Variants in CTNNBIP1 observed in about 807,000 individuals in gnomAD.
CTNNBIP1 encodes catenin beta interacting protein 1.
A neutral mutation model predicts 11.8 loss-of-function variants in CTNNBIP1; 7 were observed. The observed-to-expected ratio is 0.60, with a 90% CI of 0.34 to 1.12. CTNNBIP1 has a LOEUF of 1.12. Ranked by LOEUF, CTNNBIP1 falls within the 50% of genes most tolerant of loss-of-function variation. CTNNBIP1 has a pLI of 0.03. For synonymous variants in CTNNBIP1, 58 were observed against 43.9 expected, an observed-to-expected ratio of 1.32 and a Z score of -1.26; for missense variants, 101 against 113.4, an observed-to-expected ratio of 0.89 and a Z score of 0.50.
At chr1:9,873,695 C>T (rs1638910098) in intron 3 of CTNNBIP1, among the ~76,000 whole-genome samples, 1 of 152,146 alleles carries the variant, frequency 6.6e-6, no homozygotes, top group Admixed American at 6.5e-5. Flanking sequence ...CCCCTACTTC[C>T]TTTCTTGTCC....
intron 3 of CTNNBIP1, among the ~76,000 whole-genome samples, chr1:9,877,531 G>T (rs7549820): frequency 6.6e-6 from 1 of 152,114 alleles, no homozygotes; most frequent in Non-Finnish European, 1.5e-5. Flanking sequence ...CCCTGCACTC[G>T]TCTTTTGTTT....
chr1:9,897,945 C>T (rs1052086917), intron 1 of CTNNBIP1, among the ~76,000 whole-genome samples: 3 of 151,430 alleles, frequency 2.0e-5, no homozygotes, highest in African/African-American at 4.8e-5. Context: ...AGGGCGAAAC[C>T]CCGTCTCTAC....
intron 1 of CTNNBIP1, among the ~76,000 whole-genome samples, chr1:9,899,083 T>C (rs963125017): frequency 6.6e-6 from 1 of 152,188 alleles, no homozygotes; most frequent in African/African-American, 2.4e-5. Flanking sequence ...TGAATATTTT[T>C]GTGGTTGGTT....
chr1:9,898,247 C>T (rs573905957), intron 1 of CTNNBIP1, among the ~76,000 whole-genome samples: 92 of 151,698 alleles, frequency 6.1e-4, no homozygotes, highest in African/African-American at 2.2e-3. Context: ...AACAGTGGGC[C>T]GGGCACAGTG....
chr1:9,878,097 C>G (rs1481285220), intron 2 of CTNNBIP1, 108 bp from the exon 3 acceptor site: 1 of 152,596 alleles, frequency 6.6e-6, no homozygotes, highest in East Asian at 1.9e-4. Context: ...CAACCGCTGG[C>G]GGGAAGCTCA....
intron 1 of CTNNBIP1, among the ~76,000 whole-genome samples, chr1:9,887,111 C>T (rs1039427618): frequency 6.6e-6 from 1 of 152,216 alleles, no homozygotes; most frequent in African/African-American, 2.4e-5. Context: ...CAATTCAAAC[C>T]TGATGCAAAG....
Position 9,871,214 on chromosome 1 carries a change from G to A in CTNNBIP1, c.160C>T (p.Gln54Ter), listed in dbSNP as rs1279634076. The change falls in exon 5 of 6, where the codon CAG becomes TAG. Residue 54 changes from glutamine (Q) to a stop codon, truncating the protein, a stop_gained. Transcript: ENST00000377263. LOFTEE classifies it high-confidence loss of function. The surrounding 1 kb of genome is among the most constrained non-coding windows in gnomAD (Gnocchi z 5.2). The part of the protein sequence containing the change: ...YAGVVNSQLS[Q>*]LPPHSIDQGA... The stretch of plus-strand genomic sequence containing the variant: ...TGGTCGATGGAGTGCGGAGGCAGCT[G>A]GCTGAGCTGGCTGTTGACCACCCCT... 1 of 1,579,650 alleles carries A rather than the reference G, an allele frequency of 6.3e-7. No homozygotes were observed. The highest frequency in any genetic ancestry group is 2.3e-5 in the East Asian group (1 of 43,716).
rs1253506117 is a variant in CTNNBIP1 at position 9,850,874 on chromosome 1, A to G, written c.188-98T>C. On this transcript the variant is annotated intron_variant, in intron 5 of 5. Coordinates refer to ENST00000377263, the MANE Select transcript of CTNNBIP1 (RefSeq NM_020248.3). ...TGCGGCCAAGCTGGAGCCCCCGCCC[A>G]CCAGGATCGCGGCACTCTCTGAGGA... is the stretch of plus-strand genomic sequence containing the variant. 6 of 1,124,866 alleles carry G rather than the reference A, an allele frequency of 5.3e-6. No individual in the cohort carries two copies. The East Asian group carries it at 9.4e-5, about 18-fold the overall frequency. The allele number at this position is 1,124,866 out of a possible 1,614,324, so 69.7% of individuals were successfully genotyped here.
chr1:9,867,537 G>A lies in CTNNBIP1; in HGVS notation c.187+3650C>T, dbSNP rs1195243940. Among the ~76,000 whole-genome samples the A allele has an allele frequency of 2.0e-5, 3 of 152,204 alleles. No homozygotes were observed. Among genetic ancestry groups the A allele is most frequent in the Non-Finnish European group, 4.4e-5 (3 of 68,020 alleles). ...CAGACCCTCAGGACCAAGGTCGGGT[G>A]CTGTCCGTTGGAGGGTCTGCCTCAG... On this transcript the variant is annotated intron_variant, in intron 5 of 5. Coordinates refer to ENST00000377263, the MANE Select transcript of CTNNBIP1 (RefSeq NM_020248.3). This position sits in a 1 kb window ranked among gnomAD's most constrained non-coding sequence, Gnocchi z 4.6.
At chr1:9,861,733 C>G (rs1188332337) in intron 5 of CTNNBIP1, among the ~76,000 whole-genome samples, 1 of 152,202 alleles carries the variant, frequency 6.6e-6, no homozygotes, top group Non-Finnish European at 1.5e-5. Context: ...CAGGAGGCAG[C>G]TAAAGGCCCT....
chr1:9,905,847 A>G (rs1234118738), intron 1 of CTNNBIP1, among the ~76,000 whole-genome samples: 1 of 152,220 alleles, frequency 6.6e-6, no homozygotes, highest in Non-Finnish European at 1.5e-5. Flanking sequence ...CTACGTCCAT[A>G]GCATCCGCAA....
At chr1:9,877,043 A>G (rs1638982825) in intron 3 of CTNNBIP1, among the ~76,000 whole-genome samples, 1 of 152,210 alleles carries the variant, frequency 6.6e-6, no homozygotes, top group South Asian at 2.1e-4. Context: ...ACCCAAGGGC[A>G]TCTGTAAGAG....
In CTNNBIP1 at chr1:9,871,014, G is replaced by T. The variant is rs890336458; in HGVS notation, c.187+173C>A. ...GAGATGGGATCAGGTGGGAGGCTCCGAAGGTTTCCTGGCTCAGCTCTGTGG... is the reference window on the plus strand; with the variant it reads ...GAGATGGGATCAGGTGGGAGGCTCCTAAGGTTTCCTGGCTCAGCTCTGTGG... On this transcript the variant is annotated intron_variant, in intron 5 of 5. Coordinates refer to ENST00000377263, the MANE Select transcript of CTNNBIP1 (RefSeq NM_020248.3). The surrounding 1 kb of genome is among the most constrained non-coding windows in gnomAD (Gnocchi z 5.2). 3.9e-5 allele frequency among the ~76,000 whole-genome samples: 6 copies of T among 152,174 alleles called. No homozygotes were observed. Among genetic ancestry groups the T allele is most frequent in the African/African-American group, 1.4e-4 (6 of 41,452 alleles).
intron 5 of CTNNBIP1, among the ~76,000 whole-genome samples, chr1:9,864,692 G>A (rs1557748840): frequency 6.6e-6 from 1 of 152,192 alleles, no homozygotes; most frequent in Non-Finnish European, 1.5e-5. Flanking sequence ...GGCCATGGGT[G>A]GCCTTTGCAA....
At chr1:9,862,373 G>A (rs1426798796) in intron 5 of CTNNBIP1, among the ~76,000 whole-genome samples, 3 of 152,130 alleles carry the variant, frequency 2.0e-5, no homozygotes, top group Non-Finnish European at 4.4e-5. Context: ...ATGCACCACC[G>A]TGCCTGCCCC....
intron 5 of CTNNBIP1, among the ~76,000 whole-genome samples, chr1:9,859,963 G>C (rs1399633640): frequency 1.3e-5 from 2 of 152,208 alleles, no homozygotes; most frequent in African/African-American, 2.4e-5. Flanking sequence ...TCACAGCAAA[G>C]AGGAGGGCTT....
In CTNNBIP1 at chr1:9,900,141, C is replaced by T. The variant is rs143503793; in HGVS notation, c.-144+9954G>A. On this transcript the variant is annotated intron_variant, in intron 1 of 5. Transcript: ENST00000377263. ...GGTGGAGGCCGGGTGCTGTGGCTCA[C>T]GCTTGTAATCCCAGCACTTTGGAAG... Among the ~76,000 whole-genome samples the T allele has an allele frequency of 3.0e-3, 449 of 151,816 alleles. 2 individuals are homozygous for T. Among genetic ancestry groups the T allele is most frequent in the Non-Finnish European group, 4.8e-3 (324 of 67,972 alleles).
chr1:9,906,660 G>A (rs1639626789), intron 1 of CTNNBIP1, among the ~76,000 whole-genome samples: 1 of 152,230 alleles, frequency 6.6e-6, no homozygotes, highest in Non-Finnish European at 1.5e-5. Flanking sequence ...GGCAAGGATG[G>A]AGAGAGCAGA....
At chr1:9,907,251 A>C (rs1049773047) in intron 1 of CTNNBIP1, among the ~76,000 whole-genome samples, 1 of 151,790 alleles carries the variant, frequency 6.6e-6, no homozygotes, top group Non-Finnish European at 1.5e-5. Flanking sequence ...GCTCACTGCA[A>C]CCTCCACCTC....
Sources: gnomAD v4.1 joint callset for allele counts (sites outside exome capture counted in the v4.1 genomes callset) on GRCh38, gnomAD v4.1.1 for gene constraint, Gnocchi (gnomAD v3.1) non-coding constraint, MANE v1.5 for transcripts, NCBI Gene and HGNC (gene_info 2026-07-23, HGNC 2026-07-21) for gene names.